Variants in PLCXD3 observed in about 807,000 individuals in gnomAD.
The protein encoded by PLCXD3 is PI-PLC X domain-containing protein 3.
Under a neutral mutation model 25.5 loss-of-function variants are expected in PLCXD3, and 19 were observed. The observed-to-expected ratio is 0.75, with a 90% CI of 0.52 to 1.09. The LOEUF is 1.09. PLCXD3 is among the 50% of genes least tolerant of loss of function. The probability of loss-of-function intolerance (pLI) is 0.00; values close to 1 mark genes in which losing one functional copy is unlikely to be tolerated. For missense variants in PLCXD3, 411 were observed against 388.1 expected, an observed-to-expected ratio of 1.06 and a Z score of -0.50; for synonymous variants, 174 against 137.6, an observed-to-expected ratio of 1.26 and a Z score of -1.85.
chr5:41,444,001 A>G (rs1403317451), intron 1 of PLCXD3, among the ~76,000 whole-genome samples: 1 of 152,150 alleles, frequency 6.6e-6, no homozygotes, highest in East Asian at 1.9e-4. Context: ...TAAATGGGAA[A>G]ATTAGTGAAG....
chr5:41,338,243 A>G (rs1449269615), intron 2 of PLCXD3, among the ~76,000 whole-genome samples: 1 of 152,182 alleles, frequency 6.6e-6, no homozygotes, highest in Non-Finnish European at 1.5e-5. Context: ...GCCTAAAACA[A>G]AAGGTTTTCT....
chr5:41,440,169 G>A lies in PLCXD3; in HGVS notation c.104-57635C>T, dbSNP rs557288331. On this transcript the variant is annotated intron_variant, in intron 1 of 2. Coordinates refer to ENST00000377801, the MANE Select transcript of PLCXD3 (RefSeq NM_001005473.3). ...CTTAGCTCCGTCAGATCTTAGCTCC[G>A]TTACTTATTAGCTATACAGTTCTGA... 1.9e-3 allele frequency among the ~76,000 whole-genome samples: 253 copies of A among 136,226 alleles called. 2 individuals are homozygous for A. Among genetic ancestry groups the A allele is most frequent in the Non-Finnish European group, 1.5e-3 (97 of 65,540 alleles). 89.4% of individuals were successfully genotyped at this position (136,226 alleles called of 152,430 possible).
intron 2 of PLCXD3, among the ~76,000 whole-genome samples, chr5:41,316,257 G>A (rs1424873369): frequency 1.3e-5 from 2 of 152,086 alleles, no homozygotes; most frequent in South Asian, 2.1e-4. Flanking sequence ...CACACCCTGG[G>A]CCAGAAGGGA....
chr5:41,400,745 C>A (rs1001435776), intron 1 of PLCXD3, among the ~76,000 whole-genome samples: 1 of 151,902 alleles, frequency 6.6e-6, no homozygotes, highest in African/African-American at 2.4e-5. Flanking sequence ...TACAAAAAAA[C>A]TAGTTAAAGA....
At chr5:41,489,405 C>A (rs376661402) in intron 1 of PLCXD3, among the ~76,000 whole-genome samples, 1 of 151,816 alleles carries the variant, frequency 6.6e-6, no homozygotes, top group African/African-American at 2.4e-5. Flanking sequence ...ATTGACTTGG[C>A]GATGCGGGCT....
At chr5:41,329,195 A>C (rs1032745405) in intron 2 of PLCXD3, among the ~76,000 whole-genome samples, 2 of 152,198 alleles carry the variant, frequency 1.3e-5, no homozygotes, top group African/African-American at 4.8e-5. Flanking sequence ...TTGGTGTTAA[A>C]AGAGAAATTT....
At chr5:41,493,722 A>G (rs1748762762) in intron 1 of PLCXD3, among the ~76,000 whole-genome samples, 1 of 152,180 alleles carries the variant, frequency 6.6e-6, no homozygotes. Flanking sequence ...CTCCGTGGGC[A>G]TTTAGGACCC....
At chr5:41,392,754 T>C (rs556911315) in intron 1 of PLCXD3, among the ~76,000 whole-genome samples, 2 of 135,032 alleles carry the variant, frequency 1.5e-5, no homozygotes, top group Non-Finnish European at 3.3e-5. Flanking sequence ...CAGAGATATG[T>C]GGCCTTTCAG....
At chr5:41,444,748 T>C (rs2150512528) in intron 1 of PLCXD3, among the ~76,000 whole-genome samples, 1 of 152,242 alleles carries the variant, frequency 6.6e-6, no homozygotes, top group South Asian at 2.1e-4. Flanking sequence ...ATCCCACTAA[T>C]TGTGCAAGCA....
At chr5:41,346,715 C>G (rs1744312147) in intron 2 of PLCXD3, among the ~76,000 whole-genome samples, 1 of 152,140 alleles carries the variant, frequency 6.6e-6, no homozygotes, top group African/African-American at 2.4e-5. Flanking sequence ...TATAAACTTG[C>G]CTTTTACAGA....
chr5:41,382,754 A>C (rs1266429702), intron 1 of PLCXD3, among the ~76,000 whole-genome samples: 2 of 152,100 alleles, frequency 1.3e-5, no homozygotes, highest in East Asian at 3.9e-4. Flanking sequence ...AAACAATAAG[A>C]AGATTTCCTT....
At chr5:41,342,826 T>C (rs2150478291) in intron 2 of PLCXD3, among the ~76,000 whole-genome samples, 1 of 152,302 alleles carries the variant, frequency 6.6e-6, no homozygotes, top group South Asian at 2.1e-4. Flanking sequence ...GCTATTTTAA[T>C]AAGCTGAAAA....
chr5:41,466,602 T>C (rs1748022634), intron 1 of PLCXD3, among the ~76,000 whole-genome samples: 1 of 152,074 alleles, frequency 6.6e-6, no homozygotes, highest in South Asian at 2.1e-4. Flanking sequence ...TACATTATTG[T>C]CTACAGTAAC....
At chr5:41,441,934 G>T (rs1224085361) in intron 1 of PLCXD3, among the ~76,000 whole-genome samples, 2 of 152,150 alleles carry the variant, frequency 1.3e-5, no homozygotes, top group African/African-American at 2.4e-5. Flanking sequence ...TTTTGTAGAG[G>T]TCTCAATTGT....
Position 41,354,421 on chromosome 5 carries a change from CTCT to C in PLCXD3, c.812+27402_812+27404del, listed in dbSNP as rs377484976. ...GAAGTGACCTAAGCCAGAAGCTTCT[CTCT>C]TTTTTTTCTTTGACTCCTCATTTCC... On this transcript the variant is annotated intron_variant, in intron 2 of 2. Coordinates refer to ENST00000377801, the MANE Select transcript of PLCXD3 (RefSeq NM_001005473.3). Among the ~76,000 whole-genome samples the C allele has an allele frequency of 7.3e-3, 1,111 of 151,242 alleles. 10 individuals carry two copies. Among genetic ancestry groups the C allele is most frequent in the African/African-American group, 0.025 (1,023 of 40,558 alleles).
chr5:41,466,601 G>A (rs922351085), intron 1 of PLCXD3, among the ~76,000 whole-genome samples: 1 of 151,826 alleles, frequency 6.6e-6, no homozygotes, highest in Admixed American at 6.6e-5. Flanking sequence ...ATACATTATT[G>A]TCTACAGTAA....
At chr5:41,497,224 A>G (rs1748861138) in intron 1 of PLCXD3, among the ~76,000 whole-genome samples, 1 of 151,892 alleles carries the variant, frequency 6.6e-6, no homozygotes, top group African/African-American at 2.4e-5. Context: ...TTACTATACA[A>G]TTTTTTAAAA....
At chr5:41,356,014 A>G (rs1291068444) in intron 2 of PLCXD3, among the ~76,000 whole-genome samples, 1 of 152,060 alleles carries the variant, frequency 6.6e-6, no homozygotes, top group African/African-American at 2.4e-5. Flanking sequence ...AAAAAAACCC[A>G]TGATCATTGG....
chr5:41,482,583 A>G (rs1362392350), intron 1 of PLCXD3, among the ~76,000 whole-genome samples: 1 of 152,174 alleles, frequency 6.6e-6, no homozygotes, highest in African/African-American at 2.4e-5. Flanking sequence ...CAGTGAAACC[A>G]TGAATGAAAT....
Sources: gnomAD v4.1 joint callset for allele counts (sites outside exome capture counted in the v4.1 genomes callset) on GRCh38, gnomAD v4.1.1 for gene constraint, MANE v1.5 for transcripts, NCBI Gene and HGNC (gene_info 2026-07-23, HGNC 2026-07-21) for gene names.